The following BRPF3 variants were observed in gnomAD, a reference collection of about 807,000 sequenced individuals.
The protein encoded by BRPF3 is bromodomain and PHD finger-containing protein 3.
In BRPF3, 18 loss-of-function variants were observed where a neutral mutation model predicts 102.0. The ratio of observed to expected loss-of-function variants is 0.18; its 90% CI spans 0.12 to 0.26. The LOEUF is 0.26. Ranked by LOEUF, BRPF3 falls within the 10% of genes least tolerant of loss-of-function variation. BRPF3 has a pLI of 1.00. For missense variants in BRPF3, 1,147 were observed against 1,567.8 expected (o/e 0.73, Z 4.53); for synonymous variants, 570 against 614.2 (o/e 0.93, Z 1.06).
At chr6:36,224,500 G>A (rs1040221488) in intron 10 of BRPF3, among the ~76,000 whole-genome samples, 1 of 152,250 alleles carries the variant, frequency 6.6e-6, no homozygotes, top group East Asian at 1.9e-4. Flanking sequence ...TGAAGGACTT[G>A]CAGACTGCTT....
chr6:36,210,606 G>A lies in BRPF3; in HGVS notation c.2179+78G>A. 1 of 1,399,690 alleles carries A rather than the reference G, an allele frequency of 7.1e-7. No individual in the cohort carries two copies. Among genetic ancestry groups the A allele is most frequent in the Admixed American group, 2.3e-5 (1 of 43,836 alleles). The allele number at this position is 1,399,690 out of a possible 1,614,324, so 86.7% of individuals were successfully genotyped here. ...CAGAGTCTACAGAGTGAGGGATCAGGGTGGTCCTTGGGGCTATAGGTAGAC... is the reference window on the plus strand; with the variant it reads ...CAGAGTCTACAGAGTGAGGGATCAGAGTGGTCCTTGGGGCTATAGGTAGAC... On this transcript the variant is annotated intron_variant, in intron 6 of 12. Transcript: ENST00000357641. This position sits in a 1 kb window ranked among gnomAD's most constrained non-coding sequence, Gnocchi z 4.7.
At chr6:36,215,110 GT>G (rs1187047133) in intron 8 of BRPF3, among the ~76,000 whole-genome samples, 3 of 150,818 alleles carry the variant, frequency 2.0e-5, no homozygotes, top group African/African-American at 4.9e-5. Flanking sequence ...TAAAGAGAGG[GT>G]TTTTTTTTGT....
chr6:36,231,255 GTC>G lies in BRPF3; in HGVS notation c.*650_*651del, dbSNP rs1000326677. ...GAGGCCAGCTGCTATGCCAGGTGGT[GTC>G]TCTGCCAGGCTCCTCAGGCCCAGAC... On this transcript the variant is annotated 3_prime_UTR_variant, in exon 13 of 13. Transcript: ENST00000357641. 1.3e-5 allele frequency: 2 copies of G among 152,742 alleles called. No homozygotes were observed. The highest frequency in any genetic ancestry group is 4.8e-5 in the African/African-American group (2 of 41,406). The allele number at this position is 152,742 out of a possible 1,614,324, so 9.5% of individuals were successfully genotyped here.
At chr6:36,202,142 C>A (rs1025561483) in intron 2 of BRPF3, among the ~76,000 whole-genome samples, 1 of 152,146 alleles carries the variant, frequency 6.6e-6, no homozygotes, top group South Asian at 2.1e-4. Context: ...AAATGCCAGT[C>A]GCATCCCCTC....
At chr6:36,217,101 C>CTGGGA (rs1768355612) in intron 8 of BRPF3, among the ~76,000 whole-genome samples, 1 of 152,156 alleles carries the variant, frequency 6.6e-6, no homozygotes, top group Non-Finnish European at 1.5e-5. Context: ...GGTCATATAC[C>CTGGGA]TGGGATGACC....
intron 8 of BRPF3, among the ~76,000 whole-genome samples, chr6:36,216,196 C>T (rs1321311137): frequency 6.6e-6 from 1 of 152,210 alleles, no homozygotes; most frequent in African/African-American, 2.4e-5. Flanking sequence ...ACCTACCTTG[C>T]AGGGTTCTAA....
Position 36,201,825 on chromosome 6 carries a change from G to C in BRPF3, c.1448+55G>C. ...ACTCATGGTTTCTTCTTGGGTTGGT[G>C]TTGGCCCTGTGCCAGGCCTTCGCTA... On this transcript the variant is annotated intron_variant, in intron 2 of 12. Transcript: ENST00000357641. The surrounding 1 kb of genome is among the most constrained non-coding windows in gnomAD (Gnocchi z 5.1). 1 of 1,531,636 alleles carries C rather than the reference G, an allele frequency of 6.5e-7. No homozygotes were observed. Among genetic ancestry groups the C allele is most frequent in the Non-Finnish European group, 8.8e-7 (1 of 1,142,000 alleles). 94.9% of individuals were successfully genotyped at this position (1,531,636 alleles called of 1,614,324 possible).
At position 36,230,142 on chromosome 6, in the gene BRPF3, A is replaced by AAG. The variant is rs1768886996; in HGVS notation, c.3435-284_3435-283insAG. 6.6e-6 allele frequency among the ~76,000 whole-genome samples: 1 copy of AAG among 152,136 alleles called. No homozygotes were observed. Among genetic ancestry groups the AAG allele is most frequent in the Non-Finnish European group, 1.5e-5 (1 of 68,012 alleles). On this transcript the variant is annotated intron_variant, in intron 12 of 12. Coordinates refer to ENST00000357641, the MANE Select transcript of BRPF3 (RefSeq NM_015695.3). The surrounding 1 kb of genome is among the most constrained non-coding windows in gnomAD (Gnocchi z 5.4). ...AGAGGGCAGCAGGTGGGCCTTTCTT[A>AAG]GCCTATGGACCCTTACAACTCTCCA...
chr6:36,225,254 C>T lies in BRPF3; in HGVS notation c.3182-13C>T, dbSNP rs754007245. On this transcript the variant is annotated splice_polypyrimidine_tract_variant and intron_variant, in intron 10 of 12. Coordinates refer to ENST00000357641, the MANE Select transcript of BRPF3 (RefSeq NM_015695.3). The stretch of plus-strand genomic sequence containing the variant: ...CCCTTTGGGTGCTGTCTCCTCCCCT[C>T]CCCCACCCCCAGGCAGAAGCCTCCT... 1.9e-6 allele frequency: 3 copies of T among 1,602,044 alleles called. No homozygotes were observed. The highest frequency in any genetic ancestry group is 3.3e-5 in the Admixed American group (2 of 60,002).
In BRPF3 at chr6:36,199,263, C is replaced by T. The variant is rs143589151; in HGVS notation, c.-26-1034C>T. ...GGAGCGCGAACCCTACTGTGAACTG[C>T]GCATGTGAGGGATCTAGGTTGCATG... On this transcript the variant is annotated intron_variant, in intron 1 of 12. Coordinates refer to ENST00000357641, the MANE Select transcript of BRPF3 (RefSeq NM_015695.3). Among the ~76,000 whole-genome samples the T allele has an allele frequency of 5.0e-3, 763 of 152,260 alleles. 4 individuals carry two copies. The highest frequency in any genetic ancestry group is 0.017 in the African/African-American group (704 of 41,542).
Position 36,230,013 on chromosome 6 carries a change from G to A in BRPF3, c.3435-413G>A, listed in dbSNP as rs1768881468. ...ACAGTGTGCAGGTCCCACCACAGAT[G>A]AGTTTATCAGTTCCTGGCATCAGCT... On this transcript the variant is annotated intron_variant, in intron 12 of 12. Transcript: ENST00000357641. This position sits in a 1 kb window ranked among gnomAD's most constrained non-coding sequence, Gnocchi z 5.4. Among the ~76,000 whole-genome samples the A allele has an allele frequency of 6.6e-6, 1 of 152,206 alleles. No individual in the cohort carries two copies. Among genetic ancestry groups the A allele is most frequent in the Non-Finnish European group, 1.5e-5 (1 of 68,050 alleles).
At chr6:36,202,409 G>GCCC (rs1317619183) in intron 2 of BRPF3, among the ~76,000 whole-genome samples, 1 of 96,770 alleles carries the variant, frequency 1.0e-5, no homozygotes, top group Non-Finnish European at 2.4e-5. Context: ...AAGCTCTGTG[G>GCCC]ACCCCCCCCC....
At chr6:36,209,977 G>T in intron 5 of BRPF3, 62 bp downstream of exon 5, 2 of 1,597,400 alleles carry the variant, frequency 1.3e-6, no homozygotes, top group Non-Finnish European at 8.5e-7. Flanking sequence ...GTCTGAGTAG[G>T]CTAGGAAGGA....
At position 36,222,245 on chromosome 6, in the gene BRPF3, A is replaced by G. The variant is rs1174100094; in HGVS notation, c.3161A>G (p.Asp1054Gly). Residue 1054 changes from aspartate (D) to glycine (G), a missense_variant, in exon 10 of 13, where the codon GAC (aspartate) becomes GGC (glycine). Physicochemically the swap from Asp to Gly is moderately conservative, Grantham distance 94. This residue lies in a region of BRPF3 where 379 missense variants were observed against 426.3 expected (regional missense o/e 0.89). Transcript: ENST00000357641. ...CCCTTCCTGGAAGGTGTGAACGGAG[A>G]CTCTGACTACAATGGCTCAGGTGAG... ...RVPFLEGVNG[D>G]SDYNGSGRSL... The G allele has an allele frequency of 7.7e-6, 12 of 1,549,504 alleles. 1 individual carries two copies. In the South Asian group the frequency reaches 1.2e-4, roughly 15 times the overall value.
chr6:36,221,863 G>A (rs959407301), intron 9 of BRPF3, among the ~76,000 whole-genome samples: 1 of 152,190 alleles, frequency 6.6e-6, no homozygotes, highest in African/African-American at 2.4e-5. Flanking sequence ...ACGCTGGAAG[G>A]ATTGACAAAT....
chr6:36,218,456 A>C (rs1256700567), intron 9 of BRPF3, among the ~76,000 whole-genome samples: 3 of 144,760 alleles, frequency 2.1e-5, no homozygotes, highest in African/African-American at 7.6e-5. Flanking sequence ...GAAATTTGGA[A>C]TTGCCTTTTT....
chr6:36,231,059 C>G lies in BRPF3; in HGVS notation c.*450C>G, dbSNP rs1180532649. 1 of 164,066 alleles carries G rather than the reference C, an allele frequency of 6.1e-6. No individual in the cohort carries two copies. Among genetic ancestry groups the G allele is most frequent in the African/African-American group, 2.4e-5 (1 of 41,734 alleles). The allele number at this position is 164,066 out of a possible 1,614,324, so 10.2% of individuals were successfully genotyped here. The stretch of plus-strand genomic sequence containing the variant: ...GTCCCAGGGGGAATCTCCCCAAGCT[C>G]ACACTCTCTCCCGCTTATCGCCTAT... On this transcript the variant is annotated 3_prime_UTR_variant, in exon 13 of 13. Coordinates refer to ENST00000357641, the MANE Select transcript of BRPF3 (RefSeq NM_015695.3).
At chr6:36,197,484 T>G (rs1561814443) in intron 1 of BRPF3, 1 of 152,302 alleles carries the variant, frequency 6.6e-6, no homozygotes, top group Non-Finnish European at 1.5e-5. Flanking sequence ...GGGGTCAAGA[T>G]TCTTCTGGAA....
At position 36,207,326 on chromosome 6, in the gene BRPF3, A is replaced by G. The variant is rs1581954853; in HGVS notation, c.1619A>G (p.Glu540Gly). ...QRNAEQREQD[E>G]KTSAVKEELK... ...TCCCTCCTGTAGCGAGAGCAGGATG[A>G]GAAGACAAGTGCAGTGAAGGAGGAG... The change falls in exon 4 of 13, where the codon GAG becomes GGG. Residue 540 changes from glutamate to glycine, a missense_variant. This residue lies in a region of BRPF3 where 37 missense variants were observed against 33.3 expected (regional missense o/e 1.11). Transcript: ENST00000357641. The G allele has an allele frequency of 6.2e-7, 1 of 1,613,896 alleles. No individual in the cohort carries two copies. The highest frequency in any genetic ancestry group is 8.5e-7 in the Non-Finnish European group (1 of 1,179,908).
Sources: allele counts gnomAD v4.1 joint callset (sites outside exome capture counted in the v4.1 genomes callset), GRCh38; gene constraint gnomAD v4.1.1; regional missense constraint gnomAD v4.1.1; non-coding constraint Gnocchi (gnomAD v3.1); transcripts MANE v1.5; gene names NCBI Gene and HGNC (gene_info 2026-07-23, HGNC 2026-07-21).